The following SLC9A3 variants were observed in gnomAD, a reference collection of about 807,000 sequenced individuals.
SLC9A3 encodes the protein solute carrier family 9 member A3, also known as sodium/hydrogen exchanger 3.
A neutral mutation model predicts 86.8 loss-of-function variants in SLC9A3; 37 were observed. That is an observed-to-expected ratio of 0.43 (90% CI 0.33 to 0.56). The LOEUF (loss-of-function observed/expected upper bound fraction) is 0.56. Ranked by LOEUF, SLC9A3 falls within the 20% of genes least tolerant of loss-of-function variation. SLC9A3 has a pLI of 0.06. For missense variants in SLC9A3, 1,011 were observed against 1,171.9 expected (o/e 0.86, Z 2.00); for synonymous variants, 581 against 528.3 (o/e 1.10, Z -1.37).
intron 9 of SLC9A3, 129 bp from the exon 10 acceptor site, chr5:480,094 G>A (rs921407959): frequency 9.6e-7 from 1 of 1,036,838 alleles, no homozygotes; most frequent in African/African-American, 1.6e-5. Flanking sequence ...TTTAAAATGA[G>A]GGAAGCAGCC....
chr5:483,524 G>A, intron 5 of SLC9A3, 42 bp from the exon 6 acceptor site: 1 of 1,396,856 alleles, frequency 7.2e-7, no homozygotes, highest in Non-Finnish European at 9.9e-7. Flanking sequence ...CACCTGGCCT[G>A]GCGCCCGAGG....
chr5:489,244 T>G (rs191485080), intron 2 of SLC9A3, among the ~76,000 whole-genome samples: 3 of 152,090 alleles, frequency 2.0e-5, no homozygotes, highest in African/African-American at 7.2e-5. Flanking sequence ...ACACTGGGCC[T>G]CCTTGCTGCC....
At chr5:498,106 C>A (rs1740111091) in intron 1 of SLC9A3, among the ~76,000 whole-genome samples, 1 of 152,226 alleles carries the variant, frequency 6.6e-6, no homozygotes, top group Non-Finnish European at 1.5e-5. Context: ...GTCTCTCGGA[C>A]CTTTCGCTCT....
rs765428235 is a variant in SLC9A3 at position 474,999 on chromosome 5, G to T, written c.2385C>A (p.Pro795=). 3 of 1,612,130 alleles carry T rather than the reference G, an allele frequency of 1.9e-6. No homozygotes were observed. Among genetic ancestry groups the T allele is most frequent in the Non-Finnish European group, 2.5e-6 (3 of 1,179,736 alleles). ...QRARTQIPYS[P]GTFCRLMPFR... is the part of the protein sequence containing the mutation. ...AGGGCATCAGGCGGCAGAAGGTGCC[G>T]GGAGAGTAGGGAATCTGCGTGCGGG... is the stretch of plus-strand genomic sequence containing the variant. The change falls in exon 16 of 17, where the codon CCC becomes CCA. Residue 795 remains proline (P), a synonymous_variant. Coordinates refer to ENST00000264938, the MANE Select transcript of SLC9A3 (RefSeq NM_004174.4).
intron 1 of SLC9A3, among the ~76,000 whole-genome samples, chr5:517,485 T>G (rs1460044479): frequency 1.3e-5 from 2 of 150,374 alleles, no homozygotes; most frequent in Non-Finnish European, 3.0e-5. Flanking sequence ...CACTCATCCA[T>G]CCATCAGTCC....
intron 1 of SLC9A3, among the ~76,000 whole-genome samples, chr5:513,499 G>A (rs1257615731): frequency 2.0e-5 from 3 of 152,140 alleles, no homozygotes; most frequent in South Asian, 2.1e-4. Flanking sequence ...GGAGGAGAGC[G>A]CCAGGTGCAC....
At chr5:488,087 T>C (rs780459209) in intron 3 of SLC9A3, among the ~76,000 whole-genome samples, 1 of 152,160 alleles carries the variant, frequency 6.6e-6, no homozygotes, top group Non-Finnish European at 1.5e-5. Flanking sequence ...CCTGAAGCTA[T>C]GGAGTGGGCG....
rs937925532 is a variant in SLC9A3, at chr5:489,545, G to A, written c.515-1069C>T. Among the ~76,000 whole-genome samples, 14 of 152,280 alleles carry A rather than the reference G, an allele frequency of 9.2e-5. No homozygotes were observed. The East Asian group carries it at 2.1e-3, about 23-fold the overall frequency. The stretch of plus-strand genomic sequence containing the variant: ...GTCATCTCTGCGGTGACTAAACCCC[G>A]AGTTTGCTGTGAGCTCCTAAGCCCC... On this transcript the variant is annotated intron_variant, in intron 2 of 16. Transcript: ENST00000264938.
rs1449422435 is a variant in SLC9A3, at chr5:491,695, T to C, written c.514+74A>G. 7.3e-6 allele frequency: 10 copies of C among 1,365,492 alleles called. No individual in the cohort carries two copies. In the African/African-American group the frequency reaches 1.2e-4, roughly 16 times the overall value. The allele number at this position is 1,365,492 out of a possible 1,614,324, so 84.6% of individuals were successfully genotyped here. ...GGCCAGGGTGCGGCACCCCGACCTT[T>C]CTGAGATGAGGCAGCGCCGCCCCTC... is the stretch of plus-strand genomic sequence containing the variant. On this transcript the variant is annotated intron_variant, in intron 2 of 16. Transcript: ENST00000264938. The surrounding 1 kb of genome is among the most constrained non-coding windows in gnomAD (Gnocchi z 9.2).
intron 13 of SLC9A3, 36 bp downstream of exon 13, chr5:476,166 C>G: frequency 6.2e-7 from 1 of 1,613,000 alleles, no homozygotes; most frequent in Non-Finnish European, 8.5e-7. Context: ...GCTCCAGGCC[C>G]CAGCCCCGCC....
chr5:522,354 G>T (rs114441615), intron 1 of SLC9A3, among the ~76,000 whole-genome samples: 12 of 152,354 alleles, frequency 7.9e-5, no homozygotes, highest in East Asian at 3.9e-4. Flanking sequence ...CTTATCTGCC[G>T]GCTCCCAGGC....
In SLC9A3 at chr5:496,104, G is replaced by A. The variant is rs1362120706; in HGVS notation, c.212-4033C>T. On this transcript the variant is annotated intron_variant, in intron 1 of 16. Coordinates refer to ENST00000264938, the MANE Select transcript of SLC9A3 (RefSeq NM_004174.4). This position sits in a 1 kb window ranked among gnomAD's most constrained non-coding sequence, Gnocchi z 4.7. Reference sequence around the variant, plus strand: ...CCACAGAAAACATCCTCTGACCTTGGTAGTTACTGAGAAAATATACATATA... The same window carrying A: ...CCACAGAAAACATCCTCTGACCTTGATAGTTACTGAGAAAATATACATATA... Among the ~76,000 whole-genome samples, 1 of 152,256 alleles carries A rather than the reference G, an allele frequency of 6.6e-6. No homozygotes were observed. The highest frequency in any genetic ancestry group is 1.9e-4 in the East Asian group (1 of 5,200).
chr5:503,930 G>A (rs1740422660), intron 1 of SLC9A3, among the ~76,000 whole-genome samples: 1 of 152,184 alleles, frequency 6.6e-6, no homozygotes, highest in African/African-American at 2.4e-5. Context: ...AGCTCTTGGG[G>A]GGTTCCCATC....
Position 473,169 on chromosome 5 carries a change from G to GCCCCCGGCGCAGGCCCCGC in SLC9A3, c.*209_*210insGCGGGGCCTGCGCCGGGGG, listed in dbSNP as rs1553993885. 6.7e-6 allele frequency: 3 copies of GCCCCCGGCGCAGGCCCCGC among 449,900 alleles called. No homozygotes were observed. The highest frequency in any genetic ancestry group is 2.1e-5 in the African/African-American group (1 of 48,354). The allele number at this position is 449,900 out of a possible 1,614,324, so 27.9% of individuals were successfully genotyped here. A position where few individuals can be genotyped will look rare whatever the true frequency, so the allele number is the denominator to read the frequency against. Reference sequence around the variant, plus strand: ...CGGCCCCGCCCCCGGCGCAGGCCCCGCCCCCGGCTCGCCCTCGGGCGGCTC... The same window carrying GCCCCCGGCGCAGGCCCCGC: ...CGGCCCCGCCCCCGGCGCAGGCCCCGCCCCCGGCGCAGGCCCCGCCCCCCGGCTCGCCCTCGGGCGGCTC... On this transcript the variant is annotated 3_prime_UTR_variant, in exon 17 of 17. Transcript: ENST00000264938.
rs551019954 is a variant in SLC9A3, at chr5:497,733, C to T, written c.212-5662G>A. Among the ~76,000 whole-genome samples the T allele has an allele frequency of 3.7e-5, 4 of 108,784 alleles. No individual in the cohort carries two copies. The highest frequency in any genetic ancestry group is 5.8e-5 in the Non-Finnish European group (3 of 52,042). 71.4% of individuals were successfully genotyped at this position (108,784 alleles called of 152,430 possible). ...CCTGTCCTGGGTGGGGTCGCCCGGCCGCATCCCCAGCCTCTGCCCCTGTCC... is the reference window on the plus strand; with the variant it reads ...CCTGTCCTGGGTGGGGTCGCCCGGCTGCATCCCCAGCCTCTGCCCCTGTCC... On this transcript the variant is annotated intron_variant, in intron 1 of 16. Transcript: ENST00000264938. The surrounding 1 kb of genome is among the most constrained non-coding windows in gnomAD (Gnocchi z 5.4).
intron 1 of SLC9A3, among the ~76,000 whole-genome samples, chr5:510,158 C>T (rs760037922): frequency 3.3e-5 from 5 of 152,244 alleles, no homozygotes; most frequent in Non-Finnish European, 7.3e-5. Flanking sequence ...TTGTTGGGAG[C>T]TGGGAGCAGA....
chr5:477,317 AC>A lies in SLC9A3; in HGVS notation c.1760+14del. 1 of 1,561,440 alleles carries A rather than the reference AC, an allele frequency of 6.4e-7. No homozygotes were observed. The highest frequency in any genetic ancestry group is 8.8e-7 in the Non-Finnish European group (1 of 1,138,178). On this transcript the variant is annotated intron_variant, in intron 11 of 16. Coordinates refer to ENST00000264938, the MANE Select transcript of SLC9A3 (RefSeq NM_004174.4). ...GGCTCTTCCCCAGGGAAGCTGCATG[AC>A]CATGGCCACATACAGGAGGTAGGAG...
At position 491,711 on chromosome 5, in the gene SLC9A3, G is replaced by C. The variant is rs11746373; in HGVS notation, c.514+58C>G. 0.75 allele frequency: 1,060,612 copies of C among 1,419,278 alleles called. 402,863 individuals are homozygous for C. The highest frequency in any genetic ancestry group is 0.79 in the Non-Finnish European group (837,177 of 1,060,650). The allele number at this position is 1,419,278 out of a possible 1,614,324, so 87.9% of individuals were successfully genotyped here. ...CCCGACCTTTCTGAGATGAGGCAGC[G>C]CCGCCCCTCCCGGACCCCACCCTGA... On this transcript the variant is annotated intron_variant, in intron 2 of 16. Coordinates refer to ENST00000264938, the MANE Select transcript of SLC9A3 (RefSeq NM_004174.4). This position sits in a 1 kb window ranked among gnomAD's most constrained non-coding sequence, Gnocchi z 9.2.
rs561727352 is a variant in SLC9A3, at chr5:512,705, G to A, written c.211+11407C>T. ...TCGTTTTCTAAGAAAGGGTGTCCCC[G>A]AAGCTGTTGGGGGGGCACTCCTTTT... is the stretch of plus-strand genomic sequence containing the variant. On this transcript the variant is annotated intron_variant, in intron 1 of 16. Coordinates refer to ENST00000264938, the MANE Select transcript of SLC9A3 (RefSeq NM_004174.4). 5.9e-5 allele frequency among the ~76,000 whole-genome samples: 9 copies of A among 152,216 alleles called. No individual in the cohort carries two copies. In the East Asian group the frequency reaches 1.7e-3, roughly 29 times the overall value.
Sources: gnomAD v4.1 joint callset for allele counts (sites outside exome capture counted in the v4.1 genomes callset) on GRCh38, gnomAD v4.1.1 for gene constraint, Gnocchi (gnomAD v3.1) non-coding constraint, MANE v1.5 for transcripts, NCBI Gene and HGNC (gene_info 2026-07-23, HGNC 2026-07-21) for gene names.